The following ANKIB1 variants were observed in gnomAD, a reference collection of about 807,000 sequenced individuals.
ANKIB1 encodes the protein ankyrin repeat and IBR domain-containing protein 1.
ANKIB1 carries 43 observed loss-of-function variants against 122.1 expected under a neutral mutation model. The observed-to-expected ratio is 0.35, with a 90% CI of 0.28 to 0.45. The LOEUF (loss-of-function observed/expected upper bound fraction) is 0.45, where lower values mean the gene tolerates loss of function less well. Among genes scored for constraint, ANKIB1 ranks in the 20% least tolerant of loss-of-function variants. The pLI is 1.00. For missense variants in ANKIB1, 992 were observed against 1,329.5 expected (o/e 0.75, Z 3.95); for synonymous variants, 390 against 442.0 (o/e 0.88, Z 1.48).
At chr7:92,330,466 A>G (rs951819549) in intron 5 of ANKIB1, among the ~76,000 whole-genome samples, 9 of 152,172 alleles carry the variant, frequency 5.9e-5, no homozygotes, top group African/African-American at 2.2e-4. Context: ...CCATGTTTAT[A>G]AACTTCAAAG....
At chr7:92,286,770 C>G (rs1193277180) in intron 1 of ANKIB1, among the ~76,000 whole-genome samples, 4 of 152,222 alleles carry the variant, frequency 2.6e-5, no homozygotes, top group African/African-American at 9.6e-5. Flanking sequence ...GCCACCACGC[C>G]TGGCTTATTA....
intron 2 of ANKIB1, among the ~76,000 whole-genome samples, chr7:92,295,974 G>A (rs1463480918): frequency 6.6e-6 from 1 of 152,100 alleles, no homozygotes; most frequent in Non-Finnish European, 1.5e-5. Context: ...GGAAAAAAAT[G>A]CTTATTTTCT....
rs140223981 is a variant in ANKIB1 at position 92,284,974 on chromosome 7, G to T, written c.-90-9915G>T. 4.9e-4 allele frequency among the ~76,000 whole-genome samples: 75 copies of T among 152,334 alleles called. No homozygotes were observed. In the East Asian group the frequency reaches 0.012, roughly 25 times the overall value. ...AGGATAAGCTTTTTAGGTATCTAGC[G>T]TAGAAGGTAATTATTTACTTAGAAC... On this transcript the variant is annotated intron_variant, in intron 1 of 19. Transcript: ENST00000265742.
intron 1 of ANKIB1, among the ~76,000 whole-genome samples, chr7:92,291,525 A>C (rs1423401512): frequency 6.6e-6 from 1 of 152,034 alleles, no homozygotes; most frequent in African/African-American, 2.4e-5. Flanking sequence ...GAAATTAAGT[A>C]AAGCTTTCTG....
chr7:92,258,074 G>A (rs963734976), intron 1 of ANKIB1, among the ~76,000 whole-genome samples: 5 of 152,084 alleles, frequency 3.3e-5, no homozygotes, highest in East Asian at 1.9e-4. Flanking sequence ...ATGATATTCC[G>A]ATTTGAAAAA....
chr7:92,309,171 T>C (rs762751357), intron 3 of ANKIB1, among the ~76,000 whole-genome samples: 2 of 152,232 alleles, frequency 1.3e-5, no homozygotes, highest in Non-Finnish European at 2.9e-5. Context: ...TGTCATTTCA[T>C]TGAGTTTGTG....
chr7:92,319,274 A>C, intron 3 of ANKIB1, 56 bp from the exon 4 acceptor site: 1 of 1,077,076 alleles, frequency 9.3e-7, no homozygotes, highest in Non-Finnish European at 1.3e-6. Context: ...TAAAAATAGC[A>C]TGAAATAACT....
chr7:92,371,343 G>C, intron 10 of ANKIB1, 134 bp from the exon 11 acceptor site: 1 of 742,890 alleles, frequency 1.3e-6, no homozygotes, highest in East Asian at 2.7e-5. Context: ...TGTTGCCACA[G>C]ACCCTGATCA....
intron 3 of ANKIB1, among the ~76,000 whole-genome samples, chr7:92,311,291 G>A (rs2131940250): frequency 6.6e-6 from 1 of 152,210 alleles, no homozygotes. Context: ...GATCCTCAGA[G>A]TAACTATCCA....
At chr7:92,370,834 T>C (rs1169709740) in intron 10 of ANKIB1, among the ~76,000 whole-genome samples, 1 of 151,776 alleles carries the variant, frequency 6.6e-6, no homozygotes, top group African/African-American at 2.4e-5. Flanking sequence ...ACTGGGGAGA[T>C]AAGTTGGTTT....
At chr7:92,336,631 T>A (rs1329319371) in intron 5 of ANKIB1, among the ~76,000 whole-genome samples, 1 of 152,170 alleles carries the variant, frequency 6.6e-6, no homozygotes, top group Non-Finnish European at 1.5e-5. Flanking sequence ...CCTGTGGCTC[T>A]CTCCTTTCTA....
At chr7:92,282,340 C>T (rs983976394) in intron 1 of ANKIB1, among the ~76,000 whole-genome samples, 2 of 151,802 alleles carry the variant, frequency 1.3e-5, no homozygotes, top group Admixed American at 1.3e-4. Context: ...TTTTTAGTAG[C>T]GACAGGGTTT....
At chr7:92,331,324 G>A (rs901566847) in intron 5 of ANKIB1, among the ~76,000 whole-genome samples, 9 of 149,396 alleles carry the variant, frequency 6.0e-5, no homozygotes, top group Middle Eastern at 3.3e-3. Flanking sequence ...CTGGAGTGCA[G>A]TAGCACAATC....
At chr7:92,253,657 TTAAA>T (rs1250385056) in intron 1 of ANKIB1, among the ~76,000 whole-genome samples, 3 of 152,254 alleles carry the variant, frequency 2.0e-5, no homozygotes, top group Non-Finnish European at 4.4e-5. Flanking sequence ...ACATACCATA[TTAAA>T]TATTCTACAC....
intron 3 of ANKIB1, among the ~76,000 whole-genome samples, chr7:92,309,938 AAAAAAT>A (rs1802651702): frequency 8.9e-6 from 1 of 112,594 alleles, no homozygotes; most frequent in African/African-American, 3.7e-5. Context: ...AAAAAAAAAA[AAAAAAT>A]ATATATATAT....
At chr7:92,254,623 A>G (rs982453628) in intron 1 of ANKIB1, among the ~76,000 whole-genome samples, 1 of 151,836 alleles carries the variant, frequency 6.6e-6, no homozygotes, top group Non-Finnish European at 1.5e-5. Flanking sequence ...GGGCATTTTG[A>G]TTTTCAGTTC....
chr7:92,339,836 C>T (rs1803398511), intron 5 of ANKIB1, among the ~76,000 whole-genome samples: 1 of 143,064 alleles, frequency 7.0e-6, no homozygotes, highest in Admixed American at 7.0e-5. Context: ...TATAGGTTGT[C>T]TATCATTTTT....
chr7:92,279,794 A>G (rs1390937089), intron 1 of ANKIB1, among the ~76,000 whole-genome samples: 1 of 152,186 alleles, frequency 6.6e-6, no homozygotes, highest in Admixed American at 6.5e-5. Context: ...TCCATGTCCA[A>G]GTGACAAGGC....
chr7:92,327,713 G>T, intron 4 of ANKIB1, 70 bp from the exon 5 acceptor site: 1 of 709,754 alleles, frequency 1.4e-6, no homozygotes. Flanking sequence ...ACTATATATT[G>T]TTTATAGGCA....
Sources: allele counts gnomAD v4.1 joint callset (sites outside exome capture counted in the v4.1 genomes callset), GRCh38; gene constraint gnomAD v4.1.1; transcripts MANE v1.5; gene names NCBI Gene and HGNC (gene_info 2026-07-23, HGNC 2026-07-21).